The following ONECUT2 variants were observed in gnomAD, a reference collection of about 807,000 sequenced individuals.
ONECUT2 encodes one cut domain family member 2.
A neutral mutation model predicts 27.9 loss-of-function variants in ONECUT2; 10 were observed. The observed-to-expected ratio is 0.36, with a 90% CI of 0.22 to 0.61. The LOEUF (loss-of-function observed/expected upper bound fraction) is 0.61. ONECUT2 is among the 20% of genes least tolerant of loss of function. The pLI, the probability that ONECUT2 is intolerant of heterozygous loss-of-function variation, is 0.73. For synonymous variants in ONECUT2, 334 were observed against 315.1 expected (o/e 1.06, Z -0.64); for missense variants, 686 against 721.0 (o/e 0.95, Z 0.56).
intron 1 of ONECUT2, among the ~76,000 whole-genome samples, chr18:57,454,485 G>A (rs1271738490): frequency 6.6e-6 from 1 of 152,056 alleles, no homozygotes; most frequent in African/African-American, 2.4e-5. Context: ...CTCTTGAAGA[G>A]CCTCAGTTCC....
intron 1 of ONECUT2, among the ~76,000 whole-genome samples, chr18:57,442,028 A>G (rs1047650723): frequency 6.6e-6 from 1 of 152,090 alleles, no homozygotes; most frequent in Non-Finnish European, 1.5e-5. Context: ...ATCGCGGGTA[A>G]GGAGGTGTCC....
rs1450836993 is a variant in ONECUT2 at position 57,478,889 on chromosome 18, C to T, written c.*2166C>T. ...TCTCTGAGCAACAAAAGGAAAGGGC[C>T]ATTTATTTGATTTTATTGTTTCATT... On this transcript the variant is annotated 3_prime_UTR_variant, in exon 2 of 2. Coordinates refer to ENST00000491143, the MANE Select transcript of ONECUT2 (RefSeq NM_004852.3). 6.6e-6 allele frequency: 1 copy of T among 152,350 alleles called. No individual in the cohort carries two copies. The highest frequency in any genetic ancestry group is 2.4e-5 in the African/African-American group (1 of 41,416). 9.4% of individuals were successfully genotyped at this position (152,350 alleles called of 1,614,324 possible). A position where few individuals can be genotyped will look rare whatever the true frequency, so the allele number is the denominator to read the frequency against.
intron 1 of ONECUT2, among the ~76,000 whole-genome samples, chr18:57,464,544 T>C (rs2050310178): frequency 6.6e-6 from 1 of 152,248 alleles, no homozygotes; most frequent in Admixed American, 6.5e-5. Flanking sequence ...TGTCTTTGAC[T>C]GGACTTCCAA....
chr18:57,455,938 TC>T (rs1287568684), intron 1 of ONECUT2, among the ~76,000 whole-genome samples: 2 of 152,272 alleles, frequency 1.3e-5, no homozygotes, highest in Non-Finnish European at 2.9e-5. Flanking sequence ...CTCTTCAGTT[TC>T]AGCAGACTTG....
At position 57,437,031 on chromosome 18, in the gene ONECUT2, C is replaced by G; in HGVS notation, c.1228+87C>G. 4.7e-6 allele frequency: 7 copies of G among 1,475,898 alleles called. No homozygotes were observed. In the South Asian group the frequency reaches 9.7e-5, roughly 21 times the overall value. 91.4% of individuals were successfully genotyped at this position (1,475,898 alleles called of 1,614,324 possible). On this transcript the variant is annotated intron_variant, in intron 1 of 1. Coordinates refer to ENST00000491143, the MANE Select transcript of ONECUT2 (RefSeq NM_004852.3). ...TGGCCCAAGTCTGCGCGCCGAGTCA[C>G]TTCTCTTGATTCTTTCCTTCTCTTT...
At position 57,476,803 on chromosome 18, in the gene ONECUT2, C is replaced by T. The variant is rs3745072; in HGVS notation, c.*80C>T. 0.25 allele frequency: 370,701 copies of T among 1,470,456 alleles called. 51,892 individuals are homozygous for T. The highest frequency in any genetic ancestry group is 0.48 in the African/African-American group (33,970 of 70,684). The allele number at this position is 1,470,456 out of a possible 1,614,324, so 91.1% of individuals were successfully genotyped here. A position where few individuals can be genotyped will look rare whatever the true frequency, so the allele number is the denominator to read the frequency against. Reference sequence around the variant, plus strand: ...AAAAGAAAACAAAGGAAAAAGACACCGGATTCCTAGCTGGGGCCCTTCACT... The same window carrying T: ...AAAAGAAAACAAAGGAAAAAGACACTGGATTCCTAGCTGGGGCCCTTCACT... On this transcript the variant is annotated 3_prime_UTR_variant, in exon 2 of 2. Coordinates refer to ENST00000491143, the MANE Select transcript of ONECUT2 (RefSeq NM_004852.3).
In ONECUT2 at chr18:57,436,768, T is replaced by G; in HGVS notation, c.1052T>G (p.Ile351Ser). 6.2e-7 allele frequency: 1 copy of G among 1,613,858 alleles called. No individual in the cohort carries two copies. ...RITAELKRYS[I>S]PQAIFAQRVL... ...ACAGCGGAGCTGAAGCGCTACAGTA[T>G]CCCCCAGGCGATCTTTGCGCAGAGG... The change falls in exon 1 of 2, where the codon ATC becomes AGC. Residue 351 changes from isoleucine (I) to serine (S), a missense_variant. Physicochemically the swap from Ile to Ser is moderately radical, Grantham distance 142. This residue lies in a region of ONECUT2 where 47 missense variants were observed against 86.0 expected (regional missense o/e 0.55). Transcript: ENST00000491143. The surrounding 1 kb of genome is among the most constrained non-coding windows in gnomAD (Gnocchi z 5.9).
intron 1 of ONECUT2, among the ~76,000 whole-genome samples, chr18:57,450,980 T>C (rs1388793636): frequency 1.3e-5 from 2 of 152,264 alleles, no homozygotes; most frequent in Non-Finnish European, 2.9e-5. Context: ...TTGACTTTAC[T>C]GTATATTTAA....
At position 57,483,025 on chromosome 18, in the gene ONECUT2, G is replaced by A. The variant is rs1340775171; in HGVS notation, c.*6302G>A. The A allele has an allele frequency of 1.3e-5, 2 of 152,086 alleles. No homozygotes were observed. The highest frequency in any genetic ancestry group is 1.9e-4 in the East Asian group (1 of 5,170). The allele number at this position is 152,086 out of a possible 1,614,324, so 9.4% of individuals were successfully genotyped here. ...GTATATTATTTAATCATCTGTGTTA[G>A]GATGACACCTATGATTGATGACTTC... is the stretch of plus-strand genomic sequence containing the variant. On this transcript the variant is annotated 3_prime_UTR_variant, in exon 2 of 2. Transcript: ENST00000491143.
chr18:57,435,653 C>T lies in ONECUT2; in HGVS notation c.-64C>T. The stretch of plus-strand genomic sequence containing the variant: ...ACTCCCGCAGCCGAGCCCCGCCACG[C>T]GCGCCTTGCCCGCCCGCCGGCCGCC... On this transcript the variant is annotated 5_prime_UTR_variant, in exon 1 of 2. Coordinates refer to ENST00000491143, the MANE Select transcript of ONECUT2 (RefSeq NM_004852.3). The T allele has an allele frequency of 2.0e-6, 2 of 1,001,932 alleles. No homozygotes were observed. Among genetic ancestry groups the T allele is most frequent in the African/African-American group, 1.8e-5 (1 of 56,558 alleles). 62.1% of individuals were successfully genotyped at this position (1,001,932 alleles called of 1,614,324 possible). A position where few individuals can be genotyped will look rare whatever the true frequency, so the allele number is the denominator to read the frequency against.
Position 57,436,007 on chromosome 18 carries a change from G to A in ONECUT2, c.291G>A (p.Ala97=), listed in dbSNP as rs1338487668. Residue 97 remains alanine, a synonymous_variant, in exon 1 of 2, where the codon GCG becomes GCA. Transcript: ENST00000491143. The surrounding 1 kb of genome is among the most constrained non-coding windows in gnomAD (Gnocchi z 5.9). ...AGGAGCTGGGCACGGCGGCAGCGGC[G>A]GCAGCGGCGGCGTCGCGCTCGGCCA... is the stretch of plus-strand genomic sequence containing the variant. ...AHQELGTAAA[A]AAAASRSAMV... The A allele has an allele frequency of 1.3e-6, 2 of 1,511,218 alleles. No individual in the cohort carries two copies. Among genetic ancestry groups the A allele is most frequent in the East Asian group, 2.5e-5 (1 of 40,094 alleles). 93.6% of individuals were successfully genotyped at this position (1,511,218 alleles called of 1,614,324 possible). A position where few individuals can be genotyped will look rare whatever the true frequency, so the allele number is the denominator to read the frequency against.
At position 57,488,946 on chromosome 18, in the gene ONECUT2, G is replaced by GT. The variant is rs1414213966; in HGVS notation, c.*12224dup. ...CCTGCAATCCTTTGGTCTTGAGCAT[G>GT]TGCCAGCATGAAGGCAGACTCCAGT... is the stretch of plus-strand genomic sequence containing the variant. On this transcript the variant is annotated 3_prime_UTR_variant, in exon 2 of 2. Transcript: ENST00000491143. 6.6e-6 allele frequency: 1 copy of GT among 152,312 alleles called. No homozygotes were observed. The highest frequency in any genetic ancestry group is 1.5e-5 in the Non-Finnish European group (1 of 68,102). 9.4% of individuals were successfully genotyped at this position (152,312 alleles called of 1,614,324 possible).
At position 57,487,185 on chromosome 18, in the gene ONECUT2, G is replaced by A. The variant is rs916226716; in HGVS notation, c.*10462G>A. 1 of 152,592 alleles carries A rather than the reference G, an allele frequency of 6.6e-6. No individual in the cohort carries two copies. The highest frequency in any genetic ancestry group is 1.5e-5 in the Non-Finnish European group (1 of 68,026). 9.5% of individuals were successfully genotyped at this position (152,592 alleles called of 1,614,324 possible). ...TTTACATCTGTTGGGATCTGAAAAT[G>A]AGTCACATTGAATTGGGTTCCAGCT... On this transcript the variant is annotated 3_prime_UTR_variant, in exon 2 of 2. Coordinates refer to ENST00000491143, the MANE Select transcript of ONECUT2 (RefSeq NM_004852.3).
intron 1 of ONECUT2, among the ~76,000 whole-genome samples, chr18:57,463,672 G>A (rs1456324157): frequency 6.6e-6 from 1 of 152,102 alleles, no homozygotes; most frequent in Non-Finnish European, 1.5e-5. Flanking sequence ...CCCTGTCAAT[G>A]TCTTGTATAC....
intron 1 of ONECUT2, among the ~76,000 whole-genome samples, chr18:57,442,554 T>A (rs1489520868): frequency 1.3e-5 from 2 of 152,102 alleles, no homozygotes; most frequent in Non-Finnish European, 2.9e-5. Flanking sequence ...TAAACTACAA[T>A]GAGATAGCTG....
intron 1 of ONECUT2, among the ~76,000 whole-genome samples, chr18:57,456,435 A>G (rs2050259998): frequency 6.6e-6 from 1 of 152,224 alleles, no homozygotes; most frequent in Admixed American, 6.5e-5. Flanking sequence ...GACATATACT[A>G]TGGTCTGAAT....
At chr18:57,472,758 G>A (rs892253579) in intron 1 of ONECUT2, among the ~76,000 whole-genome samples, 11 of 152,002 alleles carry the variant, frequency 7.2e-5, no homozygotes, top group Non-Finnish European at 1.6e-4. Context: ...AATCCGACAA[G>A]CCAATGTGGA....
rs979721950 is a variant in ONECUT2, at chr18:57,490,613, C to T, written c.*13890C>T. 6.6e-6 allele frequency: 1 copy of T among 152,158 alleles called. No homozygotes were observed. Among genetic ancestry groups the T allele is most frequent in the East Asian group, 1.9e-4 (1 of 5,188 alleles). 9.4% of individuals were successfully genotyped at this position (152,158 alleles called of 1,614,324 possible). A position where few individuals can be genotyped will look rare whatever the true frequency, so the allele number is the denominator to read the frequency against. On this transcript the variant is annotated 3_prime_UTR_variant, in exon 2 of 2. Transcript: ENST00000491143. ...TATGCTCAAAGACCGTACTCTGCCA[C>T]CTGCCTTCCAGGTAGCTATTCTAGA... is the stretch of plus-strand genomic sequence containing the variant.
In ONECUT2 at chr18:57,478,032, ATGACTTGTCATT is replaced by A. The variant is rs1479576076; in HGVS notation, c.*1311_*1322del. 1 of 152,662 alleles carries A rather than the reference ATGACTTGTCATT, an allele frequency of 6.6e-6. No individual in the cohort carries two copies. Among genetic ancestry groups the A allele is most frequent in the Admixed American group, 6.5e-5 (1 of 15,280 alleles). 9.5% of individuals were successfully genotyped at this position (152,662 alleles called of 1,614,324 possible). On this transcript the variant is annotated 3_prime_UTR_variant, in exon 2 of 2. Coordinates refer to ENST00000491143, the MANE Select transcript of ONECUT2 (RefSeq NM_004852.3). The stretch of plus-strand genomic sequence containing the variant: ...AGAATACTGCAAACCAAAGACATTT[ATGACTTGTCATT>A]TTCTAGCCTAAAAATACTGTGATTA...
Sources: allele counts gnomAD v4.1 joint callset (sites outside exome capture counted in the v4.1 genomes callset), GRCh38; gene constraint gnomAD v4.1.1; regional missense constraint gnomAD v4.1.1; non-coding constraint Gnocchi (gnomAD v3.1); transcripts MANE v1.5; gene names NCBI Gene and HGNC (gene_info 2026-07-23, HGNC 2026-07-21).